The following AGO2 variants were observed in gnomAD, a reference collection of about 807,000 sequenced individuals.
AGO2 encodes argonaute RISC catalytic component 2, also known as protein argonaute-2.
AGO2 carries 5 observed loss-of-function variants against 102.3 expected under a neutral mutation model. The observed-to-expected ratio is 0.05, with a 90% CI of 0.03 to 0.10. The LOEUF is 0.10. Among genes scored for constraint, AGO2 ranks in the 10% least tolerant of loss-of-function variants. The pLI is 1.00. For missense variants in AGO2, 541 were observed against 1,183.7 expected (o/e 0.46, Z 7.97); for synonymous variants, 449 against 473.1 (o/e 0.95, Z 0.66).
chr8:140,566,680 C>T (rs1046238888), intron 3 of AGO2, among the ~76,000 whole-genome samples: 4 of 149,418 alleles, frequency 2.7e-5, no homozygotes, highest in African/African-American at 7.4e-5. Context: ...CTGACTGAGG[C>T]GCCCCGGGCC....
chr8:140,630,427 T>C (rs1443565122), intron 1 of AGO2, among the ~76,000 whole-genome samples: 1 of 152,178 alleles, frequency 6.6e-6, no homozygotes, highest in African/African-American at 2.4e-5. Context: ...TCACAACGTG[T>C]AAAGGACCAA....
chr8:140,584,710 CG>C (rs2073622871), intron 2 of AGO2, among the ~76,000 whole-genome samples: 1 of 152,058 alleles, frequency 6.6e-6, no homozygotes, highest in African/African-American at 2.4e-5. Flanking sequence ...TAAAAGCAGT[CG>C]GGATTGAGGG....
chr8:140,566,878 G>C (rs1245936436), intron 3 of AGO2, among the ~76,000 whole-genome samples: 1 of 152,230 alleles, frequency 6.6e-6, no homozygotes, highest in Non-Finnish European at 1.5e-5. Context: ...CATTCCCCTT[G>C]TCCAGAAACA....
At chr8:140,553,106 T>C (rs2073030598) in intron 10 of AGO2, among the ~76,000 whole-genome samples, 1 of 152,188 alleles carries the variant, frequency 6.6e-6, no homozygotes, top group Admixed American at 6.5e-5. Context: ...AACAGAAGCA[T>C]TACACGCTCA....
chr8:140,559,310 A>G, intron 6 of AGO2, 85 bp downstream of exon 6: 1 of 1,546,470 alleles, frequency 6.5e-7, no homozygotes, highest in Non-Finnish European at 8.8e-7. Flanking sequence ...GCGCACAAGA[A>G]CCAGAACTGC....
Position 140,589,027 on chromosome 8 carries a change from A to G in AGO2, c.23-3716T>C, listed in dbSNP as rs1054785445. On this transcript the variant is annotated intron_variant, in intron 1 of 18. Transcript: ENST00000220592. The surrounding 1 kb of genome is among the most constrained non-coding windows in gnomAD (Gnocchi z 4.2). ...TGGGTCACAGGGAACAAAAAATTTC[A>G]GTATACACAGCGGACGTCAGCAGAG... is the stretch of plus-strand genomic sequence containing the variant. Among the ~76,000 whole-genome samples the G allele has an allele frequency of 9.2e-5, 14 of 152,252 alleles. No homozygotes were observed. Among genetic ancestry groups the G allele is most frequent in the African/African-American group, 3.4e-4 (14 of 41,478 alleles).
intron 1 of AGO2, among the ~76,000 whole-genome samples, chr8:140,602,679 T>G (rs1287176252): frequency 6.6e-6 from 1 of 152,258 alleles, no homozygotes; most frequent in East Asian, 1.9e-4. Context: ...TGAGGGATAC[T>G]TAAAAGCAAA....
Position 140,532,157 on chromosome 8 carries a change from AG to A in AGO2, c.2472-6del, listed in dbSNP as rs764783089. On this transcript the variant is annotated splice_polypyrimidine_tract_variant and splice_region_variant and intron_variant, in intron 18 of 18. Transcript: ENST00000220592. ...GAGGTATGGCTTCCTTCAGCACTGC[AG>A]GGATGAGAGAGAGAGAGAATGAGAA... is the stretch of plus-strand genomic sequence containing the variant. 1.2e-6 allele frequency: 2 copies of A among 1,612,424 alleles called. No individual in the cohort carries two copies. Among genetic ancestry groups the A allele is most frequent in the South Asian group, 2.2e-5 (2 of 91,054 alleles).
chr8:140,588,849 G>A (rs1564102994), intron 1 of AGO2, among the ~76,000 whole-genome samples: 1 of 152,196 alleles, frequency 6.6e-6, no homozygotes, highest in East Asian at 1.9e-4. Context: ...GGCAAGGCCC[G>A]GAACCCAGCG....
At chr8:140,532,659 C>G in intron 17 of AGO2, 44 bp from the exon 18 acceptor site, 1 of 1,574,620 alleles carries the variant, frequency 6.4e-7, no homozygotes, top group African/African-American at 1.3e-5. Context: ...CGCATAAAAT[C>G]TTTAAAAGGA....
intron 1 of AGO2, among the ~76,000 whole-genome samples, chr8:140,591,041 G>A (rs2073739631): frequency 6.6e-6 from 1 of 152,210 alleles, no homozygotes; most frequent in Admixed American, 6.5e-5. Flanking sequence ...GGAAGGCTGG[G>A]TCGGAATGAA....
At chr8:140,564,756 A>C (rs1162886646) in intron 3 of AGO2, among the ~76,000 whole-genome samples, 1 of 151,822 alleles carries the variant, frequency 6.6e-6, no homozygotes, top group Admixed American at 6.6e-5. Flanking sequence ...CAGCCTGGCC[A>C]ATGTGGCAAA....
intron 4 of AGO2, among the ~76,000 whole-genome samples, chr8:140,561,218 G>A (rs927821819): frequency 2.0e-5 from 3 of 152,378 alleles, no homozygotes; most frequent in East Asian, 1.9e-4. Context: ...GGGGTCTGGT[G>A]GCCCGGGAGG....
At chr8:140,577,189 C>T (rs1414656148) in intron 2 of AGO2, among the ~76,000 whole-genome samples, 1 of 115,252 alleles carries the variant, frequency 8.7e-6, no homozygotes, top group South Asian at 2.8e-4. Flanking sequence ...GCCTGGGCGA[C>T]AGAGCAAGAC....
At chr8:140,622,321 C>T (rs2074229781) in intron 1 of AGO2, among the ~76,000 whole-genome samples, 1 of 113,822 alleles carries the variant, frequency 8.8e-6, no homozygotes, top group African/African-American at 3.5e-5. Context: ...GAATAATGCA[C>T]ATGGGGTCTC....
chr8:140,525,546 A>C lies in AGO2; in HGVS notation c.*6498T>G, dbSNP rs1203768045. On this transcript the variant is annotated 3_prime_UTR_variant, in exon 19 of 19. Coordinates refer to ENST00000220592, the MANE Select transcript of AGO2 (RefSeq NM_012154.5). ...TAGCTCTTCCGGAATGAAAGCACGC[A>C]ACGCAGCATAAAAAGCATCGAAACC... 3 of 152,300 alleles carry C rather than the reference A, an allele frequency of 2.0e-5. No homozygotes were observed. Among genetic ancestry groups the C allele is most frequent in the Non-Finnish European group, 4.4e-5 (3 of 68,100 alleles). The allele number at this position is 152,300 out of a possible 1,614,324, so 9.4% of individuals were successfully genotyped here.
chr8:140,625,536 A>C (rs7824622), intron 1 of AGO2, among the ~76,000 whole-genome samples: 1,552 of 151,970 alleles, frequency 0.01, 25 homozygotes, highest in African/African-American at 0.036. Context: ...CACCTGGCTC[A>C]CTGGTGAGTC....
At chr8:140,630,500 C>T (rs1588520845) in intron 1 of AGO2, among the ~76,000 whole-genome samples, 1 of 152,234 alleles carries the variant, frequency 6.6e-6, no homozygotes, top group Non-Finnish European at 1.5e-5. Flanking sequence ...GTGGCTACAG[C>T]GAACAAGTGC....
intron 1 of AGO2, among the ~76,000 whole-genome samples, chr8:140,586,082 C>T (rs1448183767): frequency 6.6e-6 from 1 of 152,218 alleles, no homozygotes; most frequent in Admixed American, 6.5e-5. Context: ...GGCCTTCCAC[C>T]AAGTCGCCAT....
Sources: gnomAD v4.1 joint callset for allele counts (sites outside exome capture counted in the v4.1 genomes callset) on GRCh38, gnomAD v4.1.1 for gene constraint, Gnocchi (gnomAD v3.1) non-coding constraint, MANE v1.5 for transcripts, NCBI Gene and HGNC (gene_info 2026-07-23, HGNC 2026-07-21) for gene names.